MLH3: variants seen among roughly 807,000 people sequenced by gnomAD.
MLH3 encodes DNA mismatch repair protein Mlh3.
In MLH3, 82 loss-of-function variants were observed where a neutral mutation model predicts 122.2. The observed-to-expected ratio is 0.67, with a 90% CI of 0.56 to 0.81. The LOEUF is 0.81. MLH3 is among the 30% of genes least tolerant of loss of function. The pLI is 0.00. For missense variants in MLH3, 1,539 were observed against 1,714.5 expected (o/e 0.90, Z 1.81); for synonymous variants, 524 against 599.5 (o/e 0.87, Z 1.84).
intron 4 of MLH3, 94 bp downstream of exon 4, chr14:75,041,521 C>G (rs1891850715): frequency 1.0e-6 from 1 of 966,310 alleles, no homozygotes; most frequent in African/African-American, 1.6e-5. Context: ...GCATTTCAGT[C>G]TGGGCAACAG....
intron 6 of MLH3, among the ~76,000 whole-genome samples, chr14:75,035,525 AAAC>A (rs888078997): frequency 3.3e-5 from 5 of 152,292 alleles, no homozygotes; most frequent in Non-Finnish European, 5.9e-5. Context: ...TTCGTCTCAA[AAAC>A]AACAACAACA....
chr14:75,033,503 G>A lies in MLH3; in HGVS notation c.3644-13C>T, dbSNP rs189760727. On this transcript the variant is annotated splice_polypyrimidine_tract_variant and intron_variant, in intron 6 of 12. Coordinates refer to ENST00000355774, the MANE Select transcript of MLH3 (RefSeq NM_001040108.2). ...AGCAGGTTCCCACCTAGATGAGCAA[G>A]GATTGTGAACTTTGATTCTCAGAGC... 556 of 1,610,798 alleles carry A rather than the reference G, an allele frequency of 3.5e-4. 2 individuals carry two copies. The African/African-American group carries it at 6.9e-3, about 20-fold the overall frequency.
chr14:75,048,080 C>T lies in MLH3; in HGVS notation c.1576G>A (p.Glu526Lys), dbSNP rs1296872889. Residue 526 changes from glutamate (E) to lysine (K), a missense_variant, in exon 2 of 13, where the codon GAA becomes AAA. Coordinates refer to ENST00000355774, the MANE Select transcript of MLH3 (RefSeq NM_001040108.2). ...ACAGTAGTACTTTCTTTCCATATTT[C>T]TAGATCCTGCCCACTCTCCTCAAAG... ...CHFEESGQDL[E>K]IWKESTTVNG... 6.2e-7 allele frequency: 1 copy of T among 1,613,974 alleles called. No homozygotes were observed. Among genetic ancestry groups the T allele is most frequent in the African/African-American group, 1.3e-5 (1 of 74,930 alleles).
chr14:75,047,797 G>T lies in MLH3; in HGVS notation c.1859C>A (p.Ser620Ter). 1 of 1,613,998 alleles carries T rather than the reference G, an allele frequency of 6.2e-7. No individual in the cohort carries two copies. Among genetic ancestry groups the T allele is most frequent in the Non-Finnish European group, 8.5e-7 (1 of 1,179,952 alleles). The stretch of plus-strand genomic sequence containing the variant: ...TTTAAATGAATGTTCTGTTTCAGTT[G>T]ATTTAGTTTTTTCATTTTGTACTAC... ...THVVQNEKTK[S>*]TETEHSFKNY... is the part of the protein sequence containing the mutation. Residue 620 changes from serine (S) to a stop codon, truncating the protein, a stop_gained, in exon 2 of 13, where the codon TCA becomes TAA. Transcript: ENST00000355774. LOFTEE classifies it high-confidence loss of function.
At chr14:75,023,225 C>T (rs1370414682) in intron 9 of MLH3, among the ~76,000 whole-genome samples, 1 of 152,126 alleles carries the variant, frequency 6.6e-6, no homozygotes, top group Non-Finnish European at 1.5e-5. Flanking sequence ...TCTTATTGAA[C>T]ACAGAATATA....
chr14:75,047,731 A>G lies in MLH3; in HGVS notation c.1925T>C (p.Phe642Ser), dbSNP rs777245092. The stretch of plus-strand genomic sequence containing the variant: ...AACTGAATGACGTGTTCTATTTCCA[A>G]ATGTTTCTTGGGCACGTGTGGGACC... ...RPGPTRAQET[F>S]GNRTRHSVET... Residue 642 changes from phenylalanine (F) to serine (S), a missense_variant, in exon 2 of 13, where the codon TTT (phenylalanine) becomes TCT (serine). Physicochemically the swap from Phe to Ser is radical, Grantham distance 155. Transcript: ENST00000355774. The G allele has an allele frequency of 3.5e-5, 57 of 1,613,980 alleles. No individual in the cohort carries two copies. Among genetic ancestry groups the G allele is most frequent in the Non-Finnish European group, 4.2e-5 (50 of 1,180,010 alleles).
intron 6 of MLH3, among the ~76,000 whole-genome samples, chr14:75,035,062 CAAAAAAA>C (rs36096670): frequency 2.5e-4 from 10 of 40,252 alleles, no homozygotes; most frequent in South Asian, 1.4e-3. Context: ...GACTCCATCT[CAAAAAAA>C]AAAAAAAAAA....
chr14:75,023,404 A>G (rs1890419712), intron 9 of MLH3, among the ~76,000 whole-genome samples: 2 of 152,386 alleles, frequency 1.3e-5, no homozygotes, highest in South Asian at 4.1e-4. Flanking sequence ...AATATTACAC[A>G]CAAACTGAGA....
intron 9 of MLH3, among the ~76,000 whole-genome samples, chr14:75,027,681 A>AAC (rs1890736356): frequency 6.7e-6 from 1 of 148,838 alleles, no homozygotes; most frequent in Non-Finnish European, 1.5e-5. Flanking sequence ...AAAAAAAAAA[A>AAC]AAAAAAAAAA....
At position 75,049,383 on chromosome 14, in the gene MLH3, A is replaced by T; in HGVS notation, c.273T>A (p.Gly91=). ...VQDLENPRFY[G]FRGEALANIA... is the part of the protein sequence containing the mutation. ...TATTTGCCAAGGCCTCTCCTCGGAAACCATAAAACCTTGGATTCTCCAAGT... is the reference window on the plus strand; with the variant it reads ...TATTTGCCAAGGCCTCTCCTCGGAATCCATAAAACCTTGGATTCTCCAAGT... Residue 91 remains glycine (G), a synonymous_variant, in exon 2 of 13, where the codon GGT becomes GGA. Transcript: ENST00000355774. 5 of 1,614,022 alleles carry T rather than the reference A, an allele frequency of 3.1e-6. No individual in the cohort carries two copies. The highest frequency in any genetic ancestry group is 4.2e-6 in the Non-Finnish European group (5 of 1,180,024).
At position 75,018,995 on chromosome 14, in the gene MLH3, G is replaced by A; in HGVS notation, c.4091-15C>T. ...CTTAATGGCCCCTAAATGAAAGACA[G>A]AAACAAGAAGGTTATAGTGTATATA... On this transcript the variant is annotated splice_polypyrimidine_tract_variant and intron_variant, in intron 11 of 12. Transcript: ENST00000355774. The A allele has an allele frequency of 6.2e-7, 1 of 1,613,572 alleles. No homozygotes were observed. Among genetic ancestry groups the A allele is most frequent in the Non-Finnish European group, 8.5e-7 (1 of 1,179,536 alleles).
In MLH3 at chr14:75,016,145, G is replaced by A. The variant is rs28757058; in HGVS notation, c.*937C>T. ...AGAACGATCAGTCCTGGTCCCAAGT[G>A]ATATTATAAGGGCAATAGATAGGCA... is the stretch of plus-strand genomic sequence containing the variant. On this transcript the variant is annotated 3_prime_UTR_variant, in exon 13 of 13. Coordinates refer to ENST00000355774, the MANE Select transcript of MLH3 (RefSeq NM_001040108.2). The A allele has an allele frequency of 1.3e-3, 281 of 222,988 alleles. No homozygotes were observed. Among genetic ancestry groups the A allele is most frequent in the African/African-American group, 6.0e-3 (271 of 44,858 alleles). The allele number at this position is 222,988 out of a possible 1,614,324, so 13.8% of individuals were successfully genotyped here.
chr14:75,018,971 T>G lies in MLH3; in HGVS notation c.4100A>C (p.Lys1367Thr). ...CTGTAAGCTCAGGCCATCATTAAAC[T>G]TAATGGCCCCTAAATGAAAGACAGA... ...LASQACHGAI[K>T]FNDGLSLQES... The change falls in exon 12 of 13, where the codon AAG becomes ACG. Residue 1367 changes from lysine to threonine, a missense_variant. Lys to Thr is a moderately conservative substitution (Grantham distance 78). Coordinates refer to ENST00000355774, the MANE Select transcript of MLH3 (RefSeq NM_001040108.2). 6.2e-7 allele frequency: 1 copy of G among 1,614,074 alleles called. No homozygotes were observed. The highest frequency in any genetic ancestry group is 8.5e-7 in the Non-Finnish European group (1 of 1,179,934).
chr14:75,033,338 G>A (rs1341244592), intron 7 of MLH3, 81 bp downstream of exon 7: 1 of 1,060,994 alleles, frequency 9.4e-7, no homozygotes, highest in Non-Finnish European at 1.5e-6. Context: ...TCTCACAACA[G>A]TTGCAGTTAG....
At position 75,049,340 on chromosome 14, in the gene MLH3, C is replaced by G; in HGVS notation, c.316G>C (p.Ala106Pro). 6.2e-7 allele frequency: 1 copy of G among 1,614,140 alleles called. No homozygotes were observed. The highest frequency in any genetic ancestry group is 8.5e-7 in the Non-Finnish European group (1 of 1,180,028). The change falls in exon 2 of 13, where the codon GCT becomes CCT. Residue 106 changes from alanine (A) to proline (P), a missense_variant. Physicochemically the swap from Ala to Pro is conservative, Grantham distance 27. Coordinates refer to ENST00000355774, the MANE Select transcript of MLH3 (RefSeq NM_001040108.2). ...ALANIADMAS[A>P]VEISSKKNRT... ...TTTTTCTTGGACGAAATTTCCACAG[C>G]ACTGGCCATGTCAGCAATATTTGCC... is the stretch of plus-strand genomic sequence containing the variant.
In MLH3 at chr14:75,051,367, C is replaced by A. The variant is rs1199243319; in HGVS notation, c.-64+13G>T. ...GGCATCATCTTTTCGTCGCGTGCTT[C>A]CCCCAGAGTCACCTGGAGTCCCGCT... is the stretch of plus-strand genomic sequence containing the variant. On this transcript the variant is annotated intron_variant, in intron 1 of 12. Transcript: ENST00000355774. The A allele has an allele frequency of 1.3e-5, 2 of 152,280 alleles. No individual in the cohort carries two copies. The highest frequency in any genetic ancestry group is 4.8e-5 in the African/African-American group (2 of 41,470). The allele number at this position is 152,280 out of a possible 1,614,324, so 9.4% of individuals were successfully genotyped here.
chr14:75,047,098 A>G lies in MLH3; in HGVS notation c.2558T>C (p.Leu853Pro), dbSNP rs1181064566. 6.2e-6 allele frequency: 10 copies of G among 1,614,174 alleles called. No homozygotes were observed. The highest frequency in any genetic ancestry group is 8.5e-6 in the Non-Finnish European group (10 of 1,180,012). Reference sequence around the variant, plus strand: ...TCTATTAAAGAGAGATAACTCCTTCAGGGTCATAGGACTTTCTCTCAAACT... The same window carrying G: ...TCTATTAAAGAGAGATAACTCCTTCGGGGTCATAGGACTTTCTCTCAAACT... ...MPSLRESPMTLKELSLFNRKP... is the reference protein window; with the variant it reads ...MPSLRESPMTPKELSLFNRKP... The change falls in exon 2 of 13, where the codon CTG (leucine) becomes CCG (proline). Residue 853 changes from leucine to proline, a missense_variant. Physicochemically the swap from Leu to Pro is moderately conservative, Grantham distance 98. Transcript: ENST00000355774.
intron 1 of MLH3, among the ~76,000 whole-genome samples, chr14:75,049,994 G>A (rs541997457): frequency 6.6e-6 from 1 of 152,166 alleles, no homozygotes; most frequent in Non-Finnish European, 1.5e-5. Context: ...AAGTTGACCA[G>A]TAAACACAGT....
Position 75,047,120 on chromosome 14 carries a change from A to G in MLH3, c.2536T>C (p.Leu846=). Residue 846 remains leucine, a synonymous_variant, in exon 2 of 13, where the codon TTG becomes CTG. Coordinates refer to ENST00000355774, the MANE Select transcript of MLH3 (RefSeq NM_001040108.2). ...TTCAGGGTCATAGGACTTTCTCTCA[A>G]ACTAGGCATCTGTTGTTCTAAACAA... ...EDCLEQQMPS[L]RESPMTLKEL... 6.2e-7 allele frequency: 1 copy of G among 1,614,184 alleles called. No individual in the cohort carries two copies.
Sources: allele counts gnomAD v4.1 joint callset (sites outside exome capture counted in the v4.1 genomes callset), GRCh38; gene constraint gnomAD v4.1.1; transcripts MANE v1.5; gene names NCBI Gene and HGNC (gene_info 2026-07-23, HGNC 2026-07-21).